The following QTMAN variants were observed in gnomAD, a reference collection of about 807,000 sequenced individuals.
QTMAN encodes queuosine-tRNA mannosyltransferase, also known as tRNA-queuosine alpha-mannosyltransferase.
the QTMAN span, among the ~76,000 whole-genome samples, chr2:144,040,748 A>T: frequency 6.6e-6 from 1 of 152,208 alleles, no homozygotes; most frequent in Admixed American, 6.5e-5. Context: ...GGAGACTTCA[A>T]AGAAATAACT....
the QTMAN span, among the ~76,000 whole-genome samples, chr2:144,215,309 T>C: frequency 1.3e-3 from 190 of 149,652 alleles, no homozygotes; most frequent in South Asian, 2.3e-3. Context: ...TATATATATA[T>C]ACACACACAC....
the QTMAN span, among the ~76,000 whole-genome samples, chr2:144,320,873 C>T: frequency 5.3e-5 from 8 of 152,186 alleles, no homozygotes; most frequent in Non-Finnish European, 1.0e-4. Flanking sequence ...ACTGTTCCTC[C>T]TGGTTATGAT....
the QTMAN span, among the ~76,000 whole-genome samples, chr2:144,067,507 C>T: frequency 6.6e-6 from 1 of 152,158 alleles, no homozygotes; most frequent in African/African-American, 2.4e-5. Context: ...TTAGGGACAT[C>T]ATAGCATATA....
At chr2:144,215,309 T>TATAC in the QTMAN span, among the ~76,000 whole-genome samples, 985 of 149,536 alleles carry the variant, frequency 6.6e-3, 8 homozygotes, top group African/African-American at 0.022. Flanking sequence ...TATATATATA[T>TATAC]ACACACACAC....
the QTMAN span, chr2:143,952,792 A>G: frequency 3.7e-6 from 6 of 1,608,106 alleles, no homozygotes; most frequent in South Asian, 6.6e-5. Context: ...TTTCGGGATA[A>G]ACCAAATCTT....
chr2:144,273,457 G>T, the QTMAN span, among the ~76,000 whole-genome samples: 1 of 152,070 alleles, frequency 6.6e-6, no homozygotes, highest in South Asian at 2.1e-4. Context: ...AGGAAACAAG[G>T]CTGCTGGTTC....
At chr2:144,054,001 C>T in the QTMAN span, among the ~76,000 whole-genome samples, 4 of 151,958 alleles carry the variant, frequency 2.6e-5, no homozygotes, top group African/African-American at 7.3e-5. Flanking sequence ...TCCTGGCTAA[C>T]ACGGTGAAAC....
chr2:144,148,321 T>C, the QTMAN span, among the ~76,000 whole-genome samples: 2 of 151,558 alleles, frequency 1.3e-5, no homozygotes, highest in Non-Finnish European at 3.0e-5. Flanking sequence ...GAGAGAAAAA[T>C]AAAAAATGTG....
chr2:144,323,067 G>A, the QTMAN span, among the ~76,000 whole-genome samples: 1 of 152,122 alleles, frequency 6.6e-6, no homozygotes, highest in Non-Finnish European at 1.5e-5. Context: ...TCCTTGAAGT[G>A]ACAGGCTCAC....
the QTMAN span, among the ~76,000 whole-genome samples, chr2:143,976,599 C>G: frequency 2.6e-5 from 4 of 152,162 alleles, no homozygotes; most frequent in African/African-American, 9.7e-5. Flanking sequence ...CACAAGGGAT[C>G]AGCTTTGGTT....
the QTMAN span, among the ~76,000 whole-genome samples, chr2:143,949,395 A>C: frequency 6.6e-6 from 1 of 152,040 alleles, no homozygotes. Flanking sequence ...AAGTGTTAGT[A>C]GCCTTATTCT....
chr2:143,976,251 T>C, the QTMAN span, among the ~76,000 whole-genome samples: 82 of 152,146 alleles, frequency 5.4e-4, 1 homozygote, highest in Non-Finnish European at 2.1e-4. Flanking sequence ...ATAGTAACAT[T>C]TCCAGATCAT....
At chr2:144,077,088 T>C in the QTMAN span, among the ~76,000 whole-genome samples, 37 of 151,978 alleles carry the variant, frequency 2.4e-4, no homozygotes, top group South Asian at 6.2e-4. Context: ...TCCTATATAT[T>C]TACAAATTTG....
chr2:144,145,318 T>C, the QTMAN span, among the ~76,000 whole-genome samples: 1 of 151,906 alleles, frequency 6.6e-6, no homozygotes, highest in East Asian at 1.9e-4. Context: ...AACCTTTTAA[T>C]TCTATTTTGA....
At chr2:144,242,954 T>G in the QTMAN span, among the ~76,000 whole-genome samples, 1 of 99,702 alleles carries the variant, frequency 1.0e-5, no homozygotes, top group African/African-American at 5.7e-5. Context: ...AGAGCAAGAC[T>G]CTACTTAAAA....
chr2:144,314,538 C>G, the QTMAN span, among the ~76,000 whole-genome samples: 1 of 152,088 alleles, frequency 6.6e-6, no homozygotes, highest in Non-Finnish European at 1.5e-5. Context: ...CAGTGAAACT[C>G]CGTCTCTACT....
the QTMAN span, among the ~76,000 whole-genome samples, chr2:144,234,535 T>C: frequency 6.6e-6 from 1 of 152,120 alleles, no homozygotes; most frequent in African/African-American, 2.4e-5. Context: ...GCAGTATGCT[T>C]CTCCCTGCCA....
At chr2:144,131,769 T>A in the QTMAN span, among the ~76,000 whole-genome samples, 1 of 152,004 alleles carries the variant, frequency 6.6e-6, no homozygotes, top group East Asian at 1.9e-4. Flanking sequence ...TAGAAGTAAG[T>A]ATTAGAGTAA....
the QTMAN span, among the ~76,000 whole-genome samples, chr2:144,187,926 GAC>G: frequency 2.0e-5 from 3 of 152,004 alleles, no homozygotes; most frequent in African/African-American, 7.2e-5. Context: ...TATAAAAAAG[GAC>G]ACACACACAC....
Sources: gnomAD v4.1 joint callset for allele counts (sites outside exome capture counted in the v4.1 genomes callset) on GRCh38, gnomAD v4.1.1 for gene constraint, MANE v1.5 for transcripts, NCBI Gene and HGNC (gene_info 2026-07-23, HGNC 2026-07-21) for gene names.